Variants in NALF1 observed in about 807,000 individuals in gnomAD.
NALF1 encodes the protein family with sequence similarity 155 member A.
In NALF1, 3 loss-of-function variants were observed where a neutral mutation model predicts 48.4. That is an observed-to-expected ratio of 0.06 (90% CI 0.03 to 0.16). The LOEUF is 0.16. Ranked by LOEUF, NALF1 falls within the 10% of genes least tolerant of loss-of-function variation. The pLI is 1.00. For missense variants in NALF1, 526 were observed against 571.5 expected (o/e 0.92, Z 0.81); for synonymous variants, 262 against 245.7 (o/e 1.07, Z -0.62).
At chr13:107,796,309 C>A (rs1436670913) in intron 1 of NALF1, among the ~76,000 whole-genome samples, 2 of 152,050 alleles carry the variant, frequency 1.3e-5, no homozygotes, top group Non-Finnish European at 2.9e-5. Flanking sequence ...CAACATTTAT[C>A]TTTTATTTTT....
rs560552968 is a variant in NALF1 at position 107,790,589 on chromosome 13, C to G, written c.915+75093G>C. ...AGATCACATACACATAATTCACTAACAGCAACATGAAATGAGTCATGGCAA... is the reference window on the plus strand; with the variant it reads ...AGATCACATACACATAATTCACTAAGAGCAACATGAAATGAGTCATGGCAA... On this transcript the variant is annotated intron_variant, in intron 1 of 2. Transcript: ENST00000375915. Among the ~76,000 whole-genome samples the G allele has an allele frequency of 3.3e-5, 5 of 152,280 alleles. No homozygotes were observed. In the South Asian group the frequency reaches 1.0e-3, roughly 32 times the overall value.
intron 1 of NALF1, among the ~76,000 whole-genome samples, chr13:107,625,956 C>T (rs1332742586): frequency 6.6e-6 from 1 of 152,004 alleles, no homozygotes; most frequent in East Asian, 1.9e-4. Flanking sequence ...CAGTTATTCA[C>T]TGAATACTGA....
chr13:107,819,622 A>G (rs1175933245), intron 1 of NALF1, among the ~76,000 whole-genome samples: 2 of 151,894 alleles, frequency 1.3e-5, no homozygotes, highest in Non-Finnish European at 2.9e-5. Context: ...CTTAAAGAAT[A>G]TATTAATTGT....
intron 1 of NALF1, among the ~76,000 whole-genome samples, chr13:107,663,859 A>G (rs1431159200): frequency 1.3e-5 from 2 of 152,030 alleles, no homozygotes; most frequent in Non-Finnish European, 2.9e-5. Flanking sequence ...CCACCACTTC[A>G]GGTACTTTTG....
chr13:107,314,978 T>C (rs1414037067), intron 1 of NALF1, among the ~76,000 whole-genome samples: 1 of 152,156 alleles, frequency 6.6e-6, no homozygotes, highest in Non-Finnish European at 1.5e-5. Context: ...TCTATGAAAG[T>C]ATCAACCCAA....
chr13:107,706,621 AGCACTG>A (rs1238701449), intron 1 of NALF1, among the ~76,000 whole-genome samples: 85 of 152,354 alleles, frequency 5.6e-4, no homozygotes, highest in African/African-American at 1.9e-3. Flanking sequence ...TCTTGAACAA[AGCACTG>A]TCGCTCAGAG....
intron 1 of NALF1, among the ~76,000 whole-genome samples, chr13:107,237,700 T>C (rs115138812): frequency 0.019 from 2,838 of 152,306 alleles, 88 homozygotes; most frequent in African/African-American, 0.064. Context: ...GACTACATAG[T>C]ACACATCAGC....
chr13:107,409,096 C>T, intron 1 of NALF1, among the ~76,000 whole-genome samples: 1 of 152,126 alleles, frequency 6.6e-6, no homozygotes, highest in Non-Finnish European at 1.5e-5. Flanking sequence ...GGAGGCATGG[C>T]TAATGACTAG....
At chr13:107,255,060 C>T (rs141818677) in intron 1 of NALF1, among the ~76,000 whole-genome samples, 1 of 152,284 alleles carries the variant, frequency 6.6e-6, no homozygotes, top group African/African-American at 2.4e-5. Context: ...ATACCCCTTA[C>T]AATTTCCTAC....
At chr13:107,247,725 T>A (rs1392070033) in intron 1 of NALF1, among the ~76,000 whole-genome samples, 1 of 152,190 alleles carries the variant, frequency 6.6e-6, no homozygotes, top group African/African-American at 2.4e-5. Flanking sequence ...GTAATGATGA[T>A]AAAATGAGAT....
At chr13:107,723,386 AT>A in intron 1 of NALF1, among the ~76,000 whole-genome samples, 1 of 152,106 alleles carries the variant, frequency 6.6e-6, no homozygotes, top group East Asian at 1.9e-4. Context: ...TGTTCCCATC[AT>A]TTTTTTATGT....
chr13:107,200,040 CT>C (rs1322572369), intron 2 of NALF1, among the ~76,000 whole-genome samples: 2 of 152,206 alleles, frequency 1.3e-5, no homozygotes, highest in Non-Finnish European at 2.9e-5. Context: ...GTGTCTGGCA[CT>C]TTTTTGGTGT....
intron 1 of NALF1, among the ~76,000 whole-genome samples, chr13:107,234,450 T>C (rs1880296041): frequency 1.3e-5 from 2 of 152,214 alleles, no homozygotes; most frequent in South Asian, 2.1e-4. Flanking sequence ...TTGTGTTCTC[T>C]GCTTTAATGA....
intron 1 of NALF1, among the ~76,000 whole-genome samples, chr13:107,816,800 T>C (rs72657267): frequency 0.058 from 8,754 of 152,222 alleles, 672 homozygotes; most frequent in East Asian, 0.42. Flanking sequence ...TTTCTTTTCA[T>C]GCGGAGTGTG....
intron 1 of NALF1, among the ~76,000 whole-genome samples, chr13:107,358,775 C>A (rs1032089051): frequency 6.6e-6 from 1 of 152,042 alleles, no homozygotes; most frequent in African/African-American, 2.4e-5. Context: ...ACAATATGCA[C>A]GAGTGAAATG....
chr13:107,363,998 A>T (rs1883108820), intron 1 of NALF1, among the ~76,000 whole-genome samples: 1 of 152,164 alleles, frequency 6.6e-6, no homozygotes, highest in Non-Finnish European at 1.5e-5. Context: ...TGCTCATTGC[A>T]TTTTCTGAAC....
intron 1 of NALF1, among the ~76,000 whole-genome samples, chr13:107,536,772 A>G (rs1028918741): frequency 2.4e-4 from 36 of 152,328 alleles, no homozygotes; most frequent in African/African-American, 8.2e-4. Flanking sequence ...ATAAAGGCAC[A>G]TGCACACGTA....
intron 1 of NALF1, among the ~76,000 whole-genome samples, chr13:107,629,051 T>G (rs1879760561): frequency 6.6e-6 from 1 of 152,170 alleles, no homozygotes; most frequent in East Asian, 1.9e-4. Flanking sequence ...ATCCACGTCT[T>G]GTACTCTTAC....
At chr13:107,631,519 G>A (rs765051534) in intron 1 of NALF1, among the ~76,000 whole-genome samples, 11 of 152,052 alleles carry the variant, frequency 7.2e-5, no homozygotes, top group Non-Finnish European at 1.3e-4. Context: ...GGTAAACATA[G>A]CAGAAACAAT....
Sources: gnomAD v4.1 joint callset for allele counts (sites outside exome capture counted in the v4.1 genomes callset) on GRCh38, gnomAD v4.1.1 for gene constraint, MANE v1.5 for transcripts, NCBI Gene and HGNC (gene_info 2026-07-23, HGNC 2026-07-21) for gene names.